ENY2: variants seen among roughly 807,000 people sequenced by gnomAD.
The protein encoded by ENY2 is transcription and mRNA export factor ENY2.
A neutral mutation model predicts 15.9 loss-of-function variants in ENY2; 4 were observed. The ratio of observed to expected loss-of-function variants is 0.25; its 90% CI spans 0.12 to 0.57. ENY2 has a LOEUF of 0.57. Ranked by LOEUF, ENY2 falls within the 20% of genes least tolerant of loss-of-function variation. The probability of loss-of-function intolerance (pLI) is 0.91; values close to 1 mark genes in which losing one functional copy is unlikely to be tolerated. For synonymous variants in ENY2, 48 were observed against 38.0 expected (o/e 1.26, Z -0.97); for missense variants, 54 against 117.2 (o/e 0.46, Z 2.49).
chr8:109,334,376 T>C lies in ENY2; in HGVS notation c.-93T>C. 1 of 1,582,308 alleles carries C rather than the reference T, an allele frequency of 6.3e-7. No individual in the cohort carries two copies. ...GCTTAGGTGCCCGAGCTACTGAGGG[T>C]CTAAGTCCGGGCAGCCGAAGAGTGT... On this transcript the variant is annotated 5_prime_UTR_variant, in exon 1 of 5. Coordinates refer to ENST00000521688, the MANE Select transcript of ENY2 (RefSeq NM_020189.6).
intron 4 of ENY2, among the ~76,000 whole-genome samples, chr8:109,341,292 T>C (rs1196513138): frequency 6.6e-6 from 1 of 152,136 alleles, no homozygotes; most frequent in Non-Finnish European, 1.5e-5. Flanking sequence ...AATTTAAGTG[T>C]AAAAAGTAAA....
intron 1 of ENY2, chr8:109,335,320 A>T (rs908996840): frequency 2.0e-5 from 3 of 151,812 alleles, no homozygotes; most frequent in African/African-American, 7.3e-5. Flanking sequence ...AAAGCAAAAC[A>T]CTTAGAGCCT....
chr8:109,340,761 T>C (rs1816094053), intron 4 of ENY2, 198 bp downstream of exon 4: 1 of 603,278 alleles, frequency 1.7e-6, no homozygotes, highest in Non-Finnish European at 2.9e-6. Flanking sequence ...AGTGTTCTTG[T>C]ACTCTAGAAC....
chr8:109,340,725 G>A, intron 4 of ENY2, 162 bp downstream of exon 4: 1 of 762,758 alleles, frequency 1.3e-6, no homozygotes, highest in Non-Finnish European at 2.1e-6. Flanking sequence ...CATAGTCTGG[G>A]AGTAACAAAT....
rs1187962678 is a variant in ENY2, at chr8:109,345,921, CTT to C, written c.*2441_*2442del. ...GTTCTCTAGTTTGTATCTAGAATCA[CTT>C]ATATCTTTCAAATAAACCAACTTTG... On this transcript the variant is annotated 3_prime_UTR_variant, in exon 5 of 5. Coordinates refer to ENST00000521688, the MANE Select transcript of ENY2 (RefSeq NM_020189.6). 2.0e-5 allele frequency: 3 copies of C among 152,106 alleles called. No individual in the cohort carries two copies. Among genetic ancestry groups the C allele is most frequent in the African/African-American group, 4.8e-5 (2 of 41,402 alleles). The allele number at this position is 152,106 out of a possible 1,614,324, so 9.4% of individuals were successfully genotyped here. A position where few individuals can be genotyped will look rare whatever the true frequency, so the allele number is the denominator to read the frequency against.
rs544192603 is a variant in ENY2 at position 109,337,689 on chromosome 8, GTCAGGAGATTGAGACTA to G, written c.83+1488_83+1504del. 4.7e-3 allele frequency among the ~76,000 whole-genome samples: 717 copies of G among 152,264 alleles called. 8 individuals are homozygous for G. The highest frequency in any genetic ancestry group is 0.016 in the African/African-American group (665 of 41,558). On this transcript the variant is annotated intron_variant, in intron 2 of 4. Transcript: ENST00000521688. ...GAGGCTGAGGCTGGCAGATCACAAG[GTCAGGAGATTGAGACTA>G]TCCTGGCTAACATGGTGAAACCCCA...
In ENY2 at chr8:109,339,305, C is replaced by T. The variant is rs899332242; in HGVS notation, c.84-15C>T. The T allele has an allele frequency of 1.9e-5, 31 of 1,612,540 alleles. No homozygotes were observed. Among genetic ancestry groups the T allele is most frequent in the Middle Eastern group, 1.6e-4 (1 of 6,080 alleles). On this transcript the variant is annotated splice_polypyrimidine_tract_variant and intron_variant, in intron 2 of 4. Transcript: ENST00000521688. ...TTATACATTGTTCAATTTGAAAACACTTCTGTTTCAACAGCCTCAAAGAGT... is the reference window on the plus strand; with the variant it reads ...TTATACATTGTTCAATTTGAAAACATTTCTGTTTCAACAGCCTCAAAGAGT...
At chr8:109,336,942 C>T (rs1272959084) in intron 2 of ENY2, among the ~76,000 whole-genome samples, 2 of 151,728 alleles carry the variant, frequency 1.3e-5, no homozygotes, top group South Asian at 2.1e-4. Context: ...AAGGAAGAGG[C>T]AAATATGTAT....
Position 109,344,359 on chromosome 8 carries a change from C to G in ENY2, c.*878C>G, listed in dbSNP as rs1373245208. On this transcript the variant is annotated 3_prime_UTR_variant, in exon 5 of 5. Transcript: ENST00000521688. The stretch of plus-strand genomic sequence containing the variant: ...GTTTCCTAGGGCTCCCTCCAGGGCC[C>G]TCTGCCTCACTAACTGGATATACTT... 6.6e-6 allele frequency: 1 copy of G among 152,184 alleles called. No individual in the cohort carries two copies. Among genetic ancestry groups the G allele is most frequent in the Admixed American group, 6.5e-5 (1 of 15,270 alleles). The allele number at this position is 152,184 out of a possible 1,614,324, so 9.4% of individuals were successfully genotyped here.
rs1816180546 is a variant in ENY2, at chr8:109,344,097, C to G, written c.*616C>G. 6.6e-6 allele frequency: 1 copy of G among 152,176 alleles called. No homozygotes were observed. Among genetic ancestry groups the G allele is most frequent in the African/African-American group, 2.4e-5 (1 of 41,426 alleles). 9.4% of individuals were successfully genotyped at this position (152,176 alleles called of 1,614,324 possible). A position where few individuals can be genotyped will look rare whatever the true frequency, so the allele number is the denominator to read the frequency against. On this transcript the variant is annotated 3_prime_UTR_variant, in exon 5 of 5. Coordinates refer to ENST00000521688, the MANE Select transcript of ENY2 (RefSeq NM_020189.6). ...AAATTGCAACCCCACATACTAAGGT[C>G]AAGAAAGAACTTAATGGGAATTAAT...
chr8:109,343,466 G>A lies in ENY2; in HGVS notation c.291G>A (p.Gln97=). 6.2e-7 allele frequency: 1 copy of A among 1,612,610 alleles called. No individual in the cohort carries two copies. The highest frequency in any genetic ancestry group is 8.5e-7 in the Non-Finnish European group (1 of 1,179,350). The change falls in exon 5 of 5, where the codon CAG becomes CAA. Residue 97 remains glutamine (Q), a synonymous_variant. Coordinates refer to ENST00000521688, the MANE Select transcript of ENY2 (RefSeq NM_020189.6). ...AAAGAATAAGAACATTCCTTGCTCA[G>A]CATGCCAGCCTTTAAGATTGAATTA... ...LLQRIRTFLA[Q]HASL
Position 109,345,072 on chromosome 8 carries a change from C to T in ENY2, c.*1591C>T, listed in dbSNP as rs1047205776. On this transcript the variant is annotated 3_prime_UTR_variant, in exon 5 of 5. Transcript: ENST00000521688. ...GTAAGTACCTTTGAACCCAGAAGCCCCCTTTCTCATATGTTTCTCATTCCT... is the reference window on the plus strand; with the variant it reads ...GTAAGTACCTTTGAACCCAGAAGCCTCCTTTCTCATATGTTTCTCATTCCT... 6.6e-6 allele frequency: 1 copy of T among 152,152 alleles called. No individual in the cohort carries two copies. The highest frequency in any genetic ancestry group is 1.9e-4 in the East Asian group (1 of 5,174). 9.4% of individuals were successfully genotyped at this position (152,152 alleles called of 1,614,324 possible).
chr8:109,338,570 G>T (rs1035919216), intron 2 of ENY2: 1 of 152,134 alleles, frequency 6.6e-6, no homozygotes, highest in Non-Finnish European at 1.5e-5. Context: ...GAATTTGTTT[G>T]GGATGTGACA....
chr8:109,345,496 A>G lies in ENY2; in HGVS notation c.*2015A>G, dbSNP rs1816225277. On this transcript the variant is annotated 3_prime_UTR_variant, in exon 5 of 5. Coordinates refer to ENST00000521688, the MANE Select transcript of ENY2 (RefSeq NM_020189.6). Reference sequence around the variant, plus strand: ...AAAGTTTTGAGCCTGAGATAAGCACACAATCACAAAACCTACCCAAACAAG... The same window carrying G: ...AAAGTTTTGAGCCTGAGATAAGCACGCAATCACAAAACCTACCCAAACAAG... 1 of 152,186 alleles carries G rather than the reference A, an allele frequency of 6.6e-6. No individual in the cohort carries two copies. Among genetic ancestry groups the G allele is most frequent in the African/African-American group, 2.4e-5 (1 of 41,448 alleles). The allele number at this position is 152,186 out of a possible 1,614,324, so 9.4% of individuals were successfully genotyped here. A position where few individuals can be genotyped will look rare whatever the true frequency, so the allele number is the denominator to read the frequency against.
rs547279132 is a variant in ENY2 at position 109,342,814 on chromosome 8, A to C, written c.230-591A>C. 5.0e-6 allele frequency: 3 copies of C among 597,536 alleles called. No homozygotes were observed. In the South Asian group the frequency reaches 5.6e-5, roughly 11 times the overall value. 37.0% of individuals were successfully genotyped at this position (597,536 alleles called of 1,614,324 possible). ...CCATCGTACCCAGCCAACACAGTAT[A>C]TTATTGACCTTTGTATTTTTGCCTA... On this transcript the variant is annotated intron_variant, in intron 4 of 4. Coordinates refer to ENST00000521688, the MANE Select transcript of ENY2 (RefSeq NM_020189.6).
At chr8:109,337,081 T>TTTTTTTTTTTTTTTG (rs1250292351) in intron 2 of ENY2, among the ~76,000 whole-genome samples, 1 of 151,390 alleles carries the variant, frequency 6.6e-6, no homozygotes, top group African/African-American at 2.4e-5. Flanking sequence ...TTTAAAGTTT[T>TTTTTTTTTTTTTTTG]AAGAAAGGAA....
intron 1 of ENY2, chr8:109,334,696 G>C: frequency 1.8e-6 from 1 of 569,440 alleles, no homozygotes; most frequent in Non-Finnish European, 3.0e-6. Context: ...TTTTCCCTAA[G>C]AATGTCTGAA....
At chr8:109,339,427 T>C in intron 3 of ENY2, 37 bp downstream of exon 3, 1 of 1,582,094 alleles carries the variant, frequency 6.3e-7, no homozygotes, top group Non-Finnish European at 8.7e-7. Context: ...CTAATCCCAT[T>C]TTTCTGATCA....
intron 2 of ENY2, 98 bp from the exon 3 acceptor site, chr8:109,339,222 G>A: frequency 9.3e-7 from 1 of 1,072,406 alleles, no homozygotes. Context: ...GTAACTGGAA[G>A]GCAGGGAATT....
Sources: allele counts gnomAD v4.1 joint callset (sites outside exome capture counted in the v4.1 genomes callset), GRCh38; gene constraint gnomAD v4.1.1; transcripts MANE v1.5; gene names NCBI Gene and HGNC (gene_info 2026-07-23, HGNC 2026-07-21).